Variants in EYA4 observed in about 807,000 individuals in gnomAD.
EYA4 encodes the protein EYA transcriptional coactivator and phosphatase 4, also known as protein phosphatase EYA4.
Under a neutral mutation model 87.9 loss-of-function variants are expected in EYA4, and 31 were observed. The observed-to-expected ratio is 0.35, with a 90% CI of 0.27 to 0.48. EYA4 has a LOEUF of 0.48. Among genes scored for constraint, EYA4 ranks in the 20% least tolerant of loss-of-function variants. The pLI, the probability that EYA4 is intolerant of heterozygous loss-of-function variation, is 0.99. For missense variants in EYA4, 678 were observed against 761.4 expected (o/e 0.89, Z 1.29); for synonymous variants, 263 against 270.6 (o/e 0.97, Z 0.28).
intron 2 of EYA4, among the ~76,000 whole-genome samples, chr6:133,329,860 T>C (rs1781787276): frequency 6.6e-6 from 1 of 152,034 alleles, no homozygotes; most frequent in South Asian, 2.1e-4. Flanking sequence ...AATGGTGACG[T>C]GATGTCAAAT....
chr6:133,424,512 C>A (rs569947156), intron 3 of EYA4, among the ~76,000 whole-genome samples: 1 of 49,400 alleles, frequency 2.0e-5, no homozygotes, highest in Non-Finnish European at 3.6e-5. Flanking sequence ...AGCAAACACC[C>A]CCCCCCCAGC....
At chr6:133,473,359 T>G (rs1015230497) in intron 11 of EYA4, among the ~76,000 whole-genome samples, 1 of 152,084 alleles carries the variant, frequency 6.6e-6, no homozygotes, top group African/African-American at 2.4e-5. Context: ...CCTTTGGCTT[T>G]CATTTGACAA....
At chr6:133,268,153 T>C (rs1776378485) in intron 1 of EYA4, among the ~76,000 whole-genome samples, 1 of 152,212 alleles carries the variant, frequency 6.6e-6, no homozygotes, top group African/African-American at 2.4e-5. Context: ...TAAATTATGT[T>C]CTCCTACTCT....
intron 1 of EYA4, among the ~76,000 whole-genome samples, chr6:133,268,454 A>G (rs1205047695): frequency 6.6e-6 from 1 of 152,150 alleles, no homozygotes; most frequent in African/African-American, 2.4e-5. Context: ...TCGGAAAGAG[A>G]GCACTTGGCT....
intron 2 of EYA4, among the ~76,000 whole-genome samples, chr6:133,372,989 A>T (rs565281710): frequency 6.6e-6 from 1 of 152,184 alleles, no homozygotes; most frequent in South Asian, 2.1e-4. Context: ...ACGCACACAG[A>T]TAAACTTTAA....
intron 2 of EYA4, among the ~76,000 whole-genome samples, chr6:133,333,049 C>G (rs1782100859): frequency 6.6e-6 from 1 of 152,102 alleles, no homozygotes. Context: ...TCCATTGATT[C>G]TTTCAATATT....
At chr6:133,372,740 G>T (rs1785368605) in intron 2 of EYA4, among the ~76,000 whole-genome samples, 1 of 150,530 alleles carries the variant, frequency 6.6e-6, no homozygotes, top group East Asian at 1.9e-4. Flanking sequence ...TCAATGTATT[G>T]TTCTAGAAAT....
At chr6:133,401,715 T>G (rs1788280657) in intron 3 of EYA4, among the ~76,000 whole-genome samples, 1 of 152,208 alleles carries the variant, frequency 6.6e-6, no homozygotes. Flanking sequence ...GATGGCATTA[T>G]GTGTACTGTT....
chr6:133,398,180 T>G (rs965788528), intron 3 of EYA4, among the ~76,000 whole-genome samples: 17 of 152,160 alleles, frequency 1.1e-4, no homozygotes, highest in African/African-American at 3.9e-4. Flanking sequence ...AGAGGAATCG[T>G]GAAAGAAAGC....
intron 3 of EYA4, among the ~76,000 whole-genome samples, chr6:133,398,387 A>T (rs1468978800): frequency 6.6e-6 from 1 of 152,210 alleles, no homozygotes; most frequent in Admixed American, 6.5e-5. Flanking sequence ...GACTTTCATT[A>T]AATTGAATTT....
At chr6:133,276,781 A>G (rs1047984390) in intron 2 of EYA4, among the ~76,000 whole-genome samples, 27 of 152,168 alleles carry the variant, frequency 1.8e-4, no homozygotes, top group Non-Finnish European at 3.5e-4. Flanking sequence ...GGCATAGCTG[A>G]TAAGAGGCAG....
chr6:133,510,687 C>T (rs546758186), intron 14 of EYA4: 100 of 185,164 alleles, frequency 5.4e-4, no homozygotes, highest in African/African-American at 8.6e-4. Context: ...AATACCTGTC[C>T]GGCCAGGCCA....
At chr6:133,282,522 A>C (rs1369525723) in intron 2 of EYA4, among the ~76,000 whole-genome samples, 2 of 152,170 alleles carry the variant, frequency 1.3e-5, no homozygotes, top group African/African-American at 4.8e-5. Context: ...TGAACTTCTA[A>C]AATTATAATT....
At chr6:133,493,264 A>G (rs1291760766) in intron 13 of EYA4, among the ~76,000 whole-genome samples, 2 of 152,192 alleles carry the variant, frequency 1.3e-5, no homozygotes, top group East Asian at 3.8e-4. Flanking sequence ...AAGCAATGAA[A>G]AGAATAGAGT....
At chr6:133,263,825 T>C (rs896022997) in intron 1 of EYA4, among the ~76,000 whole-genome samples, 2 of 152,214 alleles carry the variant, frequency 1.3e-5, no homozygotes, top group Non-Finnish European at 2.9e-5. Flanking sequence ...GGCAGAAAGA[T>C]TCTTGAAAGC....
chr6:133,385,596 A>C (rs937721552), intron 3 of EYA4, among the ~76,000 whole-genome samples: 4 of 152,140 alleles, frequency 2.6e-5, no homozygotes, highest in Non-Finnish European at 1.5e-5. Context: ...ATGCTGCCTC[A>C]CTTGGAACCT....
At chr6:133,316,423 A>C (rs1276077259) in intron 2 of EYA4, among the ~76,000 whole-genome samples, 1 of 152,216 alleles carries the variant, frequency 6.6e-6, no homozygotes, top group African/African-American at 2.4e-5. Context: ...TATTAGCTAA[A>C]ATAAATAAAT....
Position 133,448,307 on chromosome 6 carries a change from A to G in EYA4, c.277+128A>G, listed in dbSNP as rs193231749. On this transcript the variant is annotated intron_variant, in intron 5 of 19. Coordinates refer to ENST00000355286, the MANE Select transcript of EYA4 (RefSeq NM_004100.5). ...CAGTACTTAAAAAGGAAAAATGAACATGCCTTTTAGTTGTTTATTGACAGC... is the reference window on the plus strand; with the variant it reads ...CAGTACTTAAAAAGGAAAAATGAACGTGCCTTTTAGTTGTTTATTGACAGC... 1.9e-4 allele frequency: 143 copies of G among 748,518 alleles called. No individual in the cohort carries two copies. The African/African-American group carries it at 2.2e-3, about 11-fold the overall frequency. 46.4% of individuals were successfully genotyped at this position (748,518 alleles called of 1,614,324 possible).
intron 2 of EYA4, among the ~76,000 whole-genome samples, chr6:133,307,716 A>C (rs1354411384): frequency 6.6e-6 from 1 of 152,210 alleles, no homozygotes; most frequent in Non-Finnish European, 1.5e-5. Context: ...TCTAAAAATT[A>C]TCTCACTTAT....
Sources: allele counts gnomAD v4.1 joint callset (sites outside exome capture counted in the v4.1 genomes callset), GRCh38; gene constraint gnomAD v4.1.1; transcripts MANE v1.5; gene names NCBI Gene and HGNC (gene_info 2026-07-23, HGNC 2026-07-21).